The following TSPAN9 variants were observed in gnomAD, a reference collection of about 807,000 sequenced individuals.
TSPAN9 encodes tetraspanin 9.
TSPAN9 carries 16 observed loss-of-function variants against 31.0 expected under a neutral mutation model. The observed-to-expected ratio is 0.52, with a 90% CI of 0.35 to 0.78. The LOEUF is 0.78. Among genes scored for constraint, TSPAN9 ranks in the 30% least tolerant of loss-of-function variants. The probability of loss-of-function intolerance (pLI) is 0.01; values close to 1 mark genes in which losing one functional copy is unlikely to be tolerated. For synonymous variants in TSPAN9, 145 were observed against 121.6 expected (o/e 1.19, Z -1.27); for missense variants, 272 against 312.5 (o/e 0.87, Z 0.98).
At chr12:3,198,160 C>T (rs879202286) in intron 2 of TSPAN9, among the ~76,000 whole-genome samples, 656 of 25,904 alleles carry the variant, frequency 0.025, no homozygotes, top group Non-Finnish European at 0.03. Context: ...CCAGCACAGG[C>T]CACCACCAGC....
chr12:3,180,679 C>T (rs2098358194), intron 2 of TSPAN9, among the ~76,000 whole-genome samples: 1 of 152,174 alleles, frequency 6.6e-6, no homozygotes, highest in African/African-American at 2.4e-5. Context: ...ATTGGATTTT[C>T]ACCTTCTTTA....
At chr12:3,194,907 TG>T (rs1228753306) in intron 2 of TSPAN9, among the ~76,000 whole-genome samples, 1 of 152,236 alleles carries the variant, frequency 6.6e-6, no homozygotes, top group Non-Finnish European at 1.5e-5. Flanking sequence ...TGTTCTCTTT[TG>T]GCACGGTTGC....
rs537722967 is a variant in TSPAN9 at position 3,128,662 on chromosome 12, C to T, written c.-18+44943C>T. Among the ~76,000 whole-genome samples the T allele has an allele frequency of 3.3e-5, 5 of 152,278 alleles. No individual in the cohort carries two copies. The South Asian group carries it at 8.3e-4, about 25-fold the overall frequency. On this transcript the variant is annotated intron_variant, in intron 2 of 8. Coordinates refer to ENST00000011898, the MANE Select transcript of TSPAN9 (RefSeq NM_006675.5). ...GAGTCAGGCACCCCTGCACTCTGCA[C>T]GAGGCTGCCTGGGTAACCACTCTGT...
intron 3 of TSPAN9, among the ~76,000 whole-genome samples, chr12:3,261,425 A>G (rs777306317): frequency 2.6e-5 from 4 of 152,164 alleles, no homozygotes; most frequent in Non-Finnish European, 5.9e-5. Context: ...GGCAAGGGGT[A>G]GAGCTGGGAT....
At chr12:3,275,997 G>A (rs918010420) in intron 3 of TSPAN9, among the ~76,000 whole-genome samples, 1 of 152,130 alleles carries the variant, frequency 6.6e-6, no homozygotes, top group Non-Finnish European at 1.5e-5. Context: ...TCTCAAATTG[G>A]ACCATTTCTC....
In TSPAN9 at chr12:3,164,663, C is replaced by T. The variant is rs147109231; in HGVS notation, c.-17-36514C>T. Among the ~76,000 whole-genome samples the T allele has an allele frequency of 3.6e-3, 542 of 152,278 alleles. 1 individual carries two copies. The highest frequency in any genetic ancestry group is 6.1e-3 in the Non-Finnish European group (412 of 68,010). Reference sequence around the variant, plus strand: ...AGTGTCGTGGTAGGTTGGCAAGTGCCGGCTGCAAAACCCTCCTCCTTTGCT... The same window carrying T: ...AGTGTCGTGGTAGGTTGGCAAGTGCTGGCTGCAAAACCCTCCTCCTTTGCT... On this transcript the variant is annotated intron_variant, in intron 2 of 8. Coordinates refer to ENST00000011898, the MANE Select transcript of TSPAN9 (RefSeq NM_006675.5).
intron 2 of TSPAN9, among the ~76,000 whole-genome samples, chr12:3,144,268 T>C (rs942909367): frequency 3.3e-5 from 5 of 151,990 alleles, no homozygotes; most frequent in Non-Finnish European, 4.4e-5. Flanking sequence ...GCCCGGCTAA[T>C]TTTTGTATTT....
intron 2 of TSPAN9, among the ~76,000 whole-genome samples, chr12:3,182,143 G>A (rs1279683611): frequency 6.6e-6 from 1 of 152,032 alleles, no homozygotes; most frequent in African/African-American, 2.4e-5. Flanking sequence ...CCTCCTGTGG[G>A]GCGCTACCAA....
intron 2 of TSPAN9, among the ~76,000 whole-genome samples, chr12:3,116,587 G>A (rs754562717): frequency 1.3e-5 from 2 of 152,036 alleles, no homozygotes; most frequent in African/African-American, 2.4e-5. Context: ...GAGGAGGAAG[G>A]GTCCCCGTAG....
At chr12:3,237,417 T>C (rs1187523593) in intron 3 of TSPAN9, among the ~76,000 whole-genome samples, 1 of 152,210 alleles carries the variant, frequency 6.6e-6, no homozygotes, top group Non-Finnish European at 1.5e-5. Context: ...CTATTCTCCT[T>C]ATACCAGGGC....
At chr12:3,182,227 C>T (rs75403508) in intron 2 of TSPAN9, among the ~76,000 whole-genome samples, 19 of 152,100 alleles carry the variant, frequency 1.2e-4, no homozygotes, top group African/African-American at 4.6e-4. Context: ...CCAGATCAGA[C>T]TGGCTTTCTG....
At chr12:3,184,171 C>CTTGA (rs963145501) in intron 2 of TSPAN9, among the ~76,000 whole-genome samples, 1 of 152,026 alleles carries the variant, frequency 6.6e-6, no homozygotes, top group African/African-American at 2.4e-5. Flanking sequence ...GGGCAGCTCG[C>CTTGA]TTGAGTTCAG....
At chr12:3,113,621 G>C (rs1480417215) in intron 2 of TSPAN9, among the ~76,000 whole-genome samples, 2 of 152,164 alleles carry the variant, frequency 1.3e-5, no homozygotes, top group African/African-American at 4.8e-5. Context: ...GGTTGTACTA[G>C]GTGTATCCGA....
chr12:3,169,454 A>G lies in TSPAN9; in HGVS notation c.-17-31723A>G, dbSNP rs148712181. Among the ~76,000 whole-genome samples the G allele has an allele frequency of 3.0e-3, 460 of 152,298 alleles. 2 individuals carry two copies. The highest frequency in any genetic ancestry group is 0.011 in the African/African-American group (443 of 41,542). ...CTGGGAAAAGTCCTTTATCCCCTAGATCTCAGCTTCTCCACCTGTCAAATG... is the reference window on the plus strand; with the variant it reads ...CTGGGAAAAGTCCTTTATCCCCTAGGTCTCAGCTTCTCCACCTGTCAAATG... On this transcript the variant is annotated intron_variant, in intron 2 of 8. Transcript: ENST00000011898.
chr12:3,218,307 A>G (rs2153974650), intron 3 of TSPAN9, among the ~76,000 whole-genome samples: 1 of 152,352 alleles, frequency 6.6e-6, no homozygotes, highest in South Asian at 2.1e-4. Flanking sequence ...TTGAGATCAC[A>G]GCTGAGGTCA....
intron 3 of TSPAN9, among the ~76,000 whole-genome samples, chr12:3,247,332 A>G (rs1862158095): frequency 1.1e-5 from 1 of 93,700 alleles, no homozygotes; most frequent in African/African-American, 3.9e-5. Flanking sequence ...GTCCCCAAGT[A>G]GAGTGAGTGC....
chr12:3,233,952 C>A (rs1266554138), intron 3 of TSPAN9, among the ~76,000 whole-genome samples: 1 of 152,186 alleles, frequency 6.6e-6, no homozygotes, highest in African/African-American at 2.4e-5. Flanking sequence ...CAGGTTCCTT[C>A]CAGCACTCCC....
intron 3 of TSPAN9, among the ~76,000 whole-genome samples, chr12:3,243,642 C>T (rs1379029886): frequency 1.3e-5 from 2 of 152,132 alleles, no homozygotes; most frequent in East Asian, 1.9e-4. Flanking sequence ...CAGGCATCGG[C>T]CCTCCTGCTG....
At chr12:3,096,054 CCCGG>C (rs2098308590) in intron 2 of TSPAN9, among the ~76,000 whole-genome samples, 2 of 151,946 alleles carry the variant, frequency 1.3e-5, no homozygotes, top group Non-Finnish European at 2.9e-5. Context: ...GGGCGGCGCT[CCCGG>C]CGCGGCGGCA....
Sources: gnomAD v4.1 joint callset for allele counts (sites outside exome capture counted in the v4.1 genomes callset) on GRCh38, gnomAD v4.1.1 for gene constraint, MANE v1.5 for transcripts, NCBI Gene and HGNC (gene_info 2026-07-23, HGNC 2026-07-21) for gene names.